Variants in JARID2 observed in about 807,000 individuals in gnomAD.
JARID2 encodes jumonji and AT-rich interaction domain containing 2.
In JARID2, 21 loss-of-function variants were observed where a neutral mutation model predicts 125.6. That is an observed-to-expected ratio of 0.17 (90% CI 0.12 to 0.24). The LOEUF is 0.24. Among genes scored for constraint, JARID2 ranks in the 10% least tolerant of loss-of-function variants. The pLI is 1.00. For missense variants in JARID2, 1,303 were observed against 1,639.6 expected (o/e 0.79, Z 3.55); for synonymous variants, 736 against 661.6 (o/e 1.11, Z -1.73).
chr6:15,431,671 T>G (rs979912665), intron 3 of JARID2, among the ~76,000 whole-genome samples: 5 of 152,246 alleles, frequency 3.3e-5, no homozygotes, highest in Non-Finnish European at 7.3e-5. Flanking sequence ...TGTTGAAGAC[T>G]CTTATCTTTT....
intron 1 of JARID2, among the ~76,000 whole-genome samples, chr6:15,256,886 A>G (rs571215412): frequency 6.6e-6 from 1 of 152,332 alleles, no homozygotes; most frequent in African/African-American, 2.4e-5. Flanking sequence ...CATTCTAGGA[A>G]TATTTGAGTT....
chr6:15,457,129 C>CT (rs1561875231), intron 4 of JARID2, among the ~76,000 whole-genome samples: 1 of 152,126 alleles, frequency 6.6e-6, no homozygotes, highest in Non-Finnish European at 1.5e-5. Flanking sequence ...GATTTTCCTA[C>CT]TTAACACTGT....
At chr6:15,437,651 A>T (rs890592621) in intron 3 of JARID2, among the ~76,000 whole-genome samples, 3 of 152,120 alleles carry the variant, frequency 2.0e-5, no homozygotes. Flanking sequence ...GAAAAAAAAA[A>T]CAGATTTAGT....
At chr6:15,300,716 T>TGAGAGAGAGAGA (rs1561779548) in intron 1 of JARID2, among the ~76,000 whole-genome samples, 1 of 139,538 alleles carries the variant, frequency 7.2e-6, no homozygotes, top group Non-Finnish European at 1.5e-5. Flanking sequence ...TGTGTGTGTG[T>TGAGAGAGAGAGA]GTGTGTGAGA....
At chr6:15,259,558 TGA>T (rs1759792944) in intron 1 of JARID2, among the ~76,000 whole-genome samples, 1 of 152,196 alleles carries the variant, frequency 6.6e-6, no homozygotes, top group Non-Finnish European at 1.5e-5. Flanking sequence ...CCACTGGCTT[TGA>T]GAGATGCCAA....
chr6:15,398,441 T>G (rs1027770986), intron 2 of JARID2, among the ~76,000 whole-genome samples: 2 of 152,234 alleles, frequency 1.3e-5, no homozygotes, highest in Non-Finnish European at 2.9e-5. Flanking sequence ...TTGAATCCAT[T>G]TCTTAGTGTT....
At chr6:15,348,890 A>G (rs1360560175) in intron 1 of JARID2, among the ~76,000 whole-genome samples, 1 of 152,208 alleles carries the variant, frequency 6.6e-6, no homozygotes, top group Non-Finnish European at 1.5e-5. Context: ...AAGCCAATTA[A>G]TTGGAAAAGA....
intron 1 of JARID2, among the ~76,000 whole-genome samples, chr6:15,277,720 A>G (rs1760583829): frequency 6.6e-6 from 1 of 152,054 alleles, no homozygotes; most frequent in Admixed American, 6.5e-5. Context: ...GTAGTTATGA[A>G]AGACAACAGA....
intron 2 of JARID2, among the ~76,000 whole-genome samples, chr6:15,391,130 T>A (rs1261828622): frequency 7.4e-6 from 1 of 135,088 alleles, no homozygotes; most frequent in Non-Finnish European, 1.6e-5. Flanking sequence ...TAAGGGACGG[T>A]TTTCAAGTTG....
chr6:15,390,861 G>A (rs1764974375), intron 2 of JARID2, among the ~76,000 whole-genome samples: 1 of 152,130 alleles, frequency 6.6e-6, no homozygotes, highest in Non-Finnish European at 1.5e-5. Context: ...ATGTCCCAGG[G>A]TCCCACCAAG....
At chr6:15,387,043 C>T (rs1387499557) in intron 2 of JARID2, among the ~76,000 whole-genome samples, 1 of 152,192 alleles carries the variant, frequency 6.6e-6, no homozygotes, top group African/African-American at 2.4e-5. Context: ...ATTCGGAATA[C>T]TCAGCCTGGG....
intron 3 of JARID2, among the ~76,000 whole-genome samples, chr6:15,423,517 T>C (rs1266685935): frequency 6.6e-6 from 1 of 152,184 alleles, no homozygotes; most frequent in Non-Finnish European, 1.5e-5. Flanking sequence ...TCCTGAGTCA[T>C]GGGACAAAGA....
intron 1 of JARID2, among the ~76,000 whole-genome samples, chr6:15,359,978 C>T (rs867152812): frequency 6.6e-6 from 1 of 152,048 alleles, no homozygotes; most frequent in African/African-American, 2.4e-5. Flanking sequence ...TGAGCCACCA[C>T]GTCTGGCCGA....
At chr6:15,263,845 G>A (rs958449534) in intron 1 of JARID2, among the ~76,000 whole-genome samples, 3 of 152,024 alleles carry the variant, frequency 2.0e-5, no homozygotes, top group Non-Finnish European at 4.4e-5. Context: ...TGCCTGCCTC[G>A]GCCTCCCAAA....
intron 17 of JARID2, among the ~76,000 whole-genome samples, chr6:15,518,257 T>C (rs140396310): frequency 6.8e-4 from 104 of 152,268 alleles, no homozygotes; most frequent in African/African-American, 2.3e-3. Context: ...TCTGGCTGCC[T>C]GGAAAGCGCT....
intron 1 of JARID2, among the ~76,000 whole-genome samples, chr6:15,353,259 G>A (rs574830645): frequency 2.4e-4 from 36 of 152,256 alleles, no homozygotes; most frequent in South Asian, 1.2e-3. Context: ...AAGTGGTATC[G>A]CATTGCTGTT....
chr6:15,327,092 C>A (rs983555122), intron 1 of JARID2, among the ~76,000 whole-genome samples: 1 of 152,040 alleles, frequency 6.6e-6, no homozygotes, highest in East Asian at 1.9e-4. Context: ...ACCTGAAACA[C>A]GGCTGATGGG....
intron 3 of JARID2, among the ~76,000 whole-genome samples, chr6:15,447,067 G>T (rs927357116): frequency 1.3e-5 from 2 of 152,058 alleles, no homozygotes; most frequent in African/African-American, 4.8e-5. Flanking sequence ...GCTCGTATCC[G>T]TCTTCTTCTG....
At chr6:15,253,513 C>G (rs1025818596) in intron 1 of JARID2, among the ~76,000 whole-genome samples, 6 of 152,170 alleles carry the variant, frequency 3.9e-5, no homozygotes, top group African/African-American at 1.4e-4. Context: ...TTCTTGCTCT[C>G]TTAGGCTGTA....
Sources: allele counts gnomAD v4.1 joint callset (sites outside exome capture counted in the v4.1 genomes callset), GRCh38; gene constraint gnomAD v4.1.1; transcripts MANE v1.5; gene names NCBI Gene and HGNC (gene_info 2026-07-23, HGNC 2026-07-21).